FBXL13: variants seen among roughly 807,000 people sequenced by gnomAD.
FBXL13 encodes the protein F-box and leucine-rich repeat protein 13.
In FBXL13, 67 loss-of-function variants were observed where a neutral mutation model predicts 83.6. That is an observed-to-expected ratio of 0.80 (90% CI 0.66 to 0.98). The LOEUF (loss-of-function observed/expected upper bound fraction) is 0.98, where lower values mean the gene tolerates loss of function less well. Among genes scored for constraint, FBXL13 ranks in the 50% least tolerant of loss-of-function variants. FBXL13 has a pLI of 0.00. For missense variants in FBXL13, 822 were observed against 866.5 expected (o/e 0.95, Z 0.64); for synonymous variants, 272 against 299.5 (o/e 0.91, Z 0.95).
rs79669749 is a variant in FBXL13, at chr7:102,848,611, C to T, written c.1719+6166G>A. Among the ~76,000 whole-genome samples the T allele has an allele frequency of 6.1e-5, 7 of 114,882 alleles. 1 individual carries two copies. Among genetic ancestry groups the T allele is most frequent in the Admixed American group, 4.8e-4 (4 of 8,286 alleles). 75.4% of individuals were successfully genotyped at this position (114,882 alleles called of 152,430 possible). On this transcript the variant is annotated intron_variant, in intron 17 of 19. Coordinates refer to ENST00000313221, the Ensembl canonical transcript of FBXL13. ...AAAAAAAAAAAAAAAAATACACATT[C>T]GTGTGTACGGATATTATATAAATGT...
chr7:102,820,281 T>C (rs962591315), intron 19 of FBXL13, among the ~76,000 whole-genome samples: 1 of 152,172 alleles, frequency 6.6e-6, no homozygotes, highest in Non-Finnish European at 1.5e-5. Context: ...TAGGGCCAAG[T>C]CTCTGCCTGC....
At chr7:102,992,573 T>C (rs1829692805) in intron 6 of FBXL13, among the ~76,000 whole-genome samples, 1 of 152,206 alleles carries the variant, frequency 6.6e-6, no homozygotes, top group Non-Finnish European at 1.5e-5. Flanking sequence ...TTAAAAGTCA[T>C]GAAAACTTTA....
At chr7:103,061,667 C>A (rs893274298) in intron 1 of FBXL13, among the ~76,000 whole-genome samples, 3 of 151,846 alleles carry the variant, frequency 2.0e-5, no homozygotes, top group Admixed American at 2.0e-4. Context: ...TGGCCCAGCA[C>A]GGTGGCTCAC....
chr7:102,983,651 C>T (rs1485473600), intron 6 of FBXL13, among the ~76,000 whole-genome samples: 1 of 151,964 alleles, frequency 6.6e-6, no homozygotes, highest in Non-Finnish European at 1.5e-5. Context: ...AAACTCCTGA[C>T]CTCAAGTGAT....
chr7:102,867,998 G>A (rs567578572), intron 16 of FBXL13, among the ~76,000 whole-genome samples: 4 of 151,874 alleles, frequency 2.6e-5, no homozygotes, highest in African/African-American at 7.2e-5. Flanking sequence ...CACCGTGCCC[G>A]GCCAGATATT....
chr7:103,055,564 G>C (rs1187924484), intron 2 of FBXL13, 80 bp downstream of exon 2: 3 of 538,652 alleles, frequency 5.6e-6, no homozygotes, highest in African/African-American at 4.1e-5. Context: ...TCATTGGCAA[G>C]ACCTTATTTT....
At chr7:103,010,773 T>C (rs925453074) in intron 6 of FBXL13, among the ~76,000 whole-genome samples, 4 of 152,006 alleles carry the variant, frequency 2.6e-5, no homozygotes, top group African/African-American at 9.7e-5. Flanking sequence ...TCCCCAGCAA[T>C]CTCATGTTTT....
At chr7:102,993,139 G>A (rs1829752431) in intron 6 of FBXL13, among the ~76,000 whole-genome samples, 1 of 152,214 alleles carries the variant, frequency 6.6e-6, no homozygotes, top group Non-Finnish European at 1.5e-5. Context: ...ACACAGCTAT[G>A]AAACCTGGAA....
At position 102,986,195 on chromosome 7, in the gene FBXL13, C is replaced by A. The variant is rs573383576; in HGVS notation, c.496-18078G>T. On this transcript the variant is annotated intron_variant, in intron 6 of 19. Coordinates refer to ENST00000313221, the Ensembl canonical transcript of FBXL13. ...GGCATTTACATGGCAGAGCCAAAAG[C>A]AGAAGTTGACAACCATCAGAAGCCA... 5.9e-5 allele frequency among the ~76,000 whole-genome samples: 9 copies of A among 152,246 alleles called. No homozygotes were observed. The South Asian group carries it at 1.9e-3, about 32-fold the overall frequency.
At chr7:103,047,650 A>G (rs527489319) in intron 2 of FBXL13, among the ~76,000 whole-genome samples, 1 of 152,342 alleles carries the variant, frequency 6.6e-6, no homozygotes, top group South Asian at 2.1e-4. Flanking sequence ...ATTATGGTTG[A>G]CAGTATATAC....
chr7:102,899,375 A>G (rs1812684260), intron 11 of FBXL13, among the ~76,000 whole-genome samples: 2 of 152,218 alleles, frequency 1.3e-5, no homozygotes, highest in African/African-American at 2.4e-5. Flanking sequence ...GTTAAACAAC[A>G]TATCATCTCT....
chr7:102,986,940 C>CACACAT (rs1281066690), intron 6 of FBXL13, among the ~76,000 whole-genome samples: 1 of 150,370 alleles, frequency 6.7e-6, no homozygotes, highest in Non-Finnish European at 1.5e-5. Context: ...CACACACACA[C>CACACAT]ATATACACAT....
chr7:103,065,429 G>A (rs997188460), intron 1 of FBXL13, among the ~76,000 whole-genome samples: 3 of 152,072 alleles, frequency 2.0e-5, no homozygotes, highest in Admixed American at 2.0e-4. Flanking sequence ...CCCGGGTGTG[G>A]TTTCTTTCCA....
chr7:102,970,078 C>G (rs1244870490), intron 6 of FBXL13, among the ~76,000 whole-genome samples: 2 of 151,878 alleles, frequency 1.3e-5, no homozygotes, highest in Non-Finnish European at 2.9e-5. Flanking sequence ...TAGTGAAACC[C>G]CATTTCAACT....
chr7:102,834,090 G>GGAAGGAAGGA (rs60060071), intron 17 of FBXL13, among the ~76,000 whole-genome samples: 104 of 70,494 alleles, frequency 1.5e-3, no homozygotes, highest in South Asian at 7.5e-3. Flanking sequence ...GGAAAGAAAA[G>GGAAGGAAGGA]AAAGAAAGAA....
chr7:102,825,553 T>C (rs1199032834), intron 18 of FBXL13, among the ~76,000 whole-genome samples: 1 of 152,218 alleles, frequency 6.6e-6, no homozygotes, highest in Non-Finnish European at 1.5e-5. Context: ...TATTCTGTTA[T>C]ACACAACAGA....
intron 16 of FBXL13, among the ~76,000 whole-genome samples, chr7:102,877,133 C>T (rs532298915): frequency 8.5e-5 from 13 of 152,164 alleles, no homozygotes; most frequent in African/African-American, 3.1e-4. Flanking sequence ...ATGTGCAATC[C>T]GTAAGAAAAA....
chr7:102,858,483 TACTA>T (rs963804009), intron 16 of FBXL13, among the ~76,000 whole-genome samples: 4 of 152,134 alleles, frequency 2.6e-5, no homozygotes, highest in Non-Finnish European at 4.4e-5. Flanking sequence ...AGGTGATGGA[TACTA>T]ACTACCATGA....
intron 8 of FBXL13, chr7:102,933,770 C>T: frequency 1.3e-6 from 1 of 753,992 alleles, no homozygotes; most frequent in Non-Finnish European, 2.1e-6. Context: ...TTTTTCTCTT[C>T]CAGCCTAGGG....
Sources: gnomAD v4.1 joint callset for allele counts (sites outside exome capture counted in the v4.1 genomes callset) on GRCh38, gnomAD v4.1.1 for gene constraint, MANE v1.5 for transcripts, NCBI Gene and HGNC (gene_info 2026-07-23, HGNC 2026-07-21) for gene names.